SHISA9: variants seen among roughly 807,000 people sequenced by gnomAD.
SHISA9 encodes protein shisa-9.
In SHISA9, 13 loss-of-function variants were observed where a neutral mutation model predicts 38.0. The ratio of observed to expected loss-of-function variants is 0.34; its 90% confidence interval spans 0.22 to 0.54. The LOEUF (loss-of-function observed/expected upper bound fraction) is 0.54, where lower values mean the gene tolerates loss of function less well. Ranked by LOEUF, SHISA9 falls within the 20% of genes least tolerant of loss-of-function variation. The probability of loss-of-function intolerance (pLI) is 0.91; values close to 1 mark genes in which losing one functional copy is unlikely to be tolerated. For synonymous variants in SHISA9, 275 were observed against 242.0 expected, an observed-to-expected ratio of 1.14 and a Z score of -1.27; for missense variants, 538 against 575.8, an observed-to-expected ratio of 0.93 and a Z score of 0.67.
chr16:13,202,116 C>G lies in SHISA9; in HGVS notation c.692-1278C>G, dbSNP rs1488142183. 2.5e-5 allele frequency among the ~76,000 whole-genome samples: 3 copies of G among 118,886 alleles called. 1 individual carries two copies. Among genetic ancestry groups the G allele is most frequent in the Admixed American group, 2.5e-4 (3 of 12,078 alleles). 78.0% of individuals were successfully genotyped at this position (118,886 alleles called of 152,430 possible). On this transcript the variant is annotated intron_variant, in intron 2 of 4. Coordinates refer to ENST00000558583, the MANE Select transcript of SHISA9 (RefSeq NM_001145204.3). ...CCTCCTGTCTATCCATCCCATTGCT[C>G]TCAGGATGAAGATGGTGACACTTAC...
chr16:13,431,783 C>T, the SHISA9 span, among the ~76,000 whole-genome samples: 7 of 152,096 alleles, frequency 4.6e-5, no homozygotes, highest in East Asian at 7.7e-4. Context: ...CAAAATAGGC[C>T]GGGCAAGTGG....
At chr16:13,550,982 G>A in the SHISA9 span, among the ~76,000 whole-genome samples, 1 of 152,226 alleles carries the variant, frequency 6.6e-6, no homozygotes, top group East Asian at 1.9e-4. Context: ...AATTAGCCGG[G>A]CATGTTGGTG....
At chr16:13,259,027 T>G in the SHISA9 span, among the ~76,000 whole-genome samples, 1 of 152,100 alleles carries the variant, frequency 6.6e-6, no homozygotes, top group Non-Finnish European at 1.5e-5. Context: ...CAGTCCAAAG[T>G]CATCTGAGAC....
At chr16:13,208,523 C>G (rs1414967019) in intron 3 of SHISA9, among the ~76,000 whole-genome samples, 4 of 146,496 alleles carry the variant, frequency 2.7e-5, no homozygotes, top group Non-Finnish European at 5.9e-5. Context: ...CTCACCACAA[C>G]CGCCGCCTCC....
chr16:13,485,164 T>A, the SHISA9 span, among the ~76,000 whole-genome samples: 1 of 151,752 alleles, frequency 6.6e-6, no homozygotes, highest in Non-Finnish European at 1.5e-5. Context: ...ATGCATTAGG[T>A]ATGTGTCCTA....
chr16:12,920,091 G>A (rs1041645587), intron 2 of SHISA9, among the ~76,000 whole-genome samples: 4 of 151,880 alleles, frequency 2.6e-5, no homozygotes, highest in African/African-American at 9.7e-5. Flanking sequence ...GTGAGGGGCT[G>A]TGGCTACAGC....
chr16:13,200,615 G>GACTTCCCATATTGATATGAGCTCAGATT (rs2050997771), intron 2 of SHISA9, among the ~76,000 whole-genome samples: 1 of 139,836 alleles, frequency 7.2e-6, no homozygotes. Context: ...TGGGCTCCAA[G>GACTTCCCATATTGATATGAGCTCAGATT]GTGTGGTGAA....
chr16:13,114,112 C>T (rs2074006270), intron 2 of SHISA9, among the ~76,000 whole-genome samples: 1 of 152,094 alleles, frequency 6.6e-6, no homozygotes, highest in African/African-American at 2.4e-5. Flanking sequence ...ATATTGAAGG[C>T]TCCCCCACTG....
downstream of SHISA9, among the ~76,000 whole-genome samples, chr16:13,242,219 GC>G (rs1217874951): frequency 6.6e-6 from 1 of 152,212 alleles, no homozygotes; most frequent in East Asian, 1.9e-4. Flanking sequence ...CAGAGCTCAT[GC>G]TTTAATGGCT....
chr16:13,488,796 C>G, the SHISA9 span, among the ~76,000 whole-genome samples: 2 of 152,210 alleles, frequency 1.3e-5, no homozygotes, highest in African/African-American at 2.4e-5. Context: ...GAGTCTCACT[C>G]TGTTGCCCAG....
intron 2 of SHISA9, among the ~76,000 whole-genome samples, chr16:13,178,314 C>T (rs1046341678): frequency 6.6e-6 from 1 of 151,390 alleles, no homozygotes; most frequent in East Asian, 1.9e-4. Context: ...GTAAGCCCAT[C>T]CCTCTCTCTG....
chr16:12,905,925 C>G (rs1351796634), intron 1 of SHISA9, among the ~76,000 whole-genome samples: 1 of 152,188 alleles, frequency 6.6e-6, no homozygotes. Flanking sequence ...TTGCTTGTTT[C>G]TCAACGTATG....
At chr16:13,060,637 C>CAAA (rs5815739) in intron 2 of SHISA9, among the ~76,000 whole-genome samples, 19 of 86,546 alleles carry the variant, frequency 2.2e-4, no homozygotes, top group East Asian at 3.0e-4. Context: ...GACCCCATCT[C>CAAA]AAAAAAAAAA....
intron 2 of SHISA9, among the ~76,000 whole-genome samples, chr16:12,970,414 TATAC>T (rs368458842): frequency 0.54 from 17,926 of 33,174 alleles, 3,648 homozygotes; most frequent in East Asian, 0.64. Flanking sequence ...CATATATATA[TATAC>T]ACATATATGT....
At chr16:13,045,041 G>A (rs969887136) in intron 2 of SHISA9, among the ~76,000 whole-genome samples, 4 of 152,138 alleles carry the variant, frequency 2.6e-5, no homozygotes, top group African/African-American at 7.2e-5. Flanking sequence ...CGTGATGTGT[G>A]CCTCAGTTTC....
chr16:13,095,138 G>T (rs540262882), intron 2 of SHISA9, among the ~76,000 whole-genome samples: 1 of 152,198 alleles, frequency 6.6e-6, no homozygotes, highest in Admixed American at 6.5e-5. Flanking sequence ...CTGAGCAATC[G>T]TTGTTCCTGG....
At chr16:13,377,972 G>T in the SHISA9 span, among the ~76,000 whole-genome samples, 1 of 152,228 alleles carries the variant, frequency 6.6e-6, no homozygotes. Flanking sequence ...GGCGGAGGTG[G>T]CAGTGAGCTG....
intron 2 of SHISA9, among the ~76,000 whole-genome samples, chr16:13,106,974 CTCTCTCTCTCTCT>C (rs2073931221): frequency 8.1e-6 from 1 of 122,990 alleles, no homozygotes; most frequent in Non-Finnish European, 1.6e-5. Context: ...CGTTCTCTCT[CTCTCTCTCTCTCT>C]CTCTCTCTCT....
chr16:13,461,334 C>T, the SHISA9 span, among the ~76,000 whole-genome samples: 10 of 152,280 alleles, frequency 6.6e-5, no homozygotes, highest in South Asian at 2.1e-4. Flanking sequence ...AATCCCAGCA[C>T]TTTGGGAGGC....
Sources: allele counts gnomAD v4.1 joint callset (sites outside exome capture counted in the v4.1 genomes callset), GRCh38; gene constraint gnomAD v4.1.1; transcripts MANE v1.5; gene names NCBI Gene and HGNC (gene_info 2026-07-23, HGNC 2026-07-21).